Variants in MATN2 observed in about 807,000 individuals in gnomAD.
MATN2 encodes matrilin-2.
Under a neutral mutation model 103.2 loss-of-function variants are expected in MATN2, and 69 were observed. The observed-to-expected ratio is 0.67, with a 90% CI of 0.55 to 0.82. The LOEUF (loss-of-function observed/expected upper bound fraction) is 0.82. Among genes scored for constraint, MATN2 ranks in the 40% least tolerant of loss-of-function variants. The pLI, the probability that MATN2 is intolerant of heterozygous loss-of-function variation, is 0.00. For missense variants in MATN2, 1,023 were observed against 1,211.5 expected (o/e 0.84, Z 2.31); for synonymous variants, 429 against 450.2 (o/e 0.95, Z 0.60).
chr8:97,883,117 G>A (rs1464783816), intron 1 of MATN2, among the ~76,000 whole-genome samples: 1 of 151,738 alleles, frequency 6.6e-6, no homozygotes, highest in Non-Finnish European at 1.5e-5. Flanking sequence ...TGGCCTGGCC[G>A]ACATAGTGAA....
At chr8:97,901,691 C>T (rs893571855) in intron 2 of MATN2, among the ~76,000 whole-genome samples, 1 of 152,340 alleles carries the variant, frequency 6.6e-6, no homozygotes, top group African/African-American at 2.4e-5. Flanking sequence ...AGGGTCACAT[C>T]TGGCTCACCA....
At chr8:97,891,474 A>G (rs1004873582) in intron 2 of MATN2, among the ~76,000 whole-genome samples, 5 of 152,060 alleles carry the variant, frequency 3.3e-5, no homozygotes, top group Non-Finnish European at 4.4e-5. Context: ...AGTAGCTGAG[A>G]CTACAGGCAC....
intron 3 of MATN2, among the ~76,000 whole-genome samples, chr8:97,937,450 T>C (rs1810410925): frequency 6.6e-6 from 1 of 152,244 alleles, no homozygotes; most frequent in Non-Finnish European, 1.5e-5. Flanking sequence ...TCCAGTGCCT[T>C]TTCCATTACA....
chr8:97,870,417 T>C (rs1205627967), intron 1 of MATN2, among the ~76,000 whole-genome samples: 3 of 149,570 alleles, frequency 2.0e-5, no homozygotes, highest in African/African-American at 4.9e-5. Context: ...ACTCGGGAGG[T>C]TGAGGCAGGA....
In MATN2 at chr8:97,869,179, A is replaced by G. The variant is rs898347295; in HGVS notation, c.-135A>G. On this transcript the variant is annotated 5_prime_UTR_variant, in exon 1 of 19. Coordinates refer to ENST00000254898, the MANE Select transcript of MATN2 (RefSeq NM_002380.5). Reference sequence around the variant, plus strand: ...AGCTGGGGCTCCGTCCTCGCCTCCCACGAGCGATCCCCGAGGAGAGCCGCG... The same window carrying G: ...AGCTGGGGCTCCGTCCTCGCCTCCCGCGAGCGATCCCCGAGGAGAGCCGCG... 2.0e-5 allele frequency: 3 copies of G among 151,998 alleles called. No homozygotes were observed. Among genetic ancestry groups the G allele is most frequent in the Admixed American group, 2.0e-4 (3 of 15,260 alleles). The allele number at this position is 151,998 out of a possible 1,614,324, so 9.4% of individuals were successfully genotyped here.
At chr8:97,880,865 G>A (rs1442646965) in intron 1 of MATN2, among the ~76,000 whole-genome samples, 4 of 152,170 alleles carry the variant, frequency 2.6e-5, no homozygotes, top group Non-Finnish European at 5.9e-5. Context: ...TTACAGGCAT[G>A]AGCCACCATG....
At chr8:97,963,159 A>G (rs1318450407) in intron 5 of MATN2, among the ~76,000 whole-genome samples, 1 of 152,184 alleles carries the variant, frequency 6.6e-6, no homozygotes, top group Non-Finnish European at 1.5e-5. Flanking sequence ...TAAACAAAAA[A>G]CATTTTGTAA....
At chr8:97,928,555 G>A (rs939282690) in intron 2 of MATN2, among the ~76,000 whole-genome samples, 4 of 152,144 alleles carry the variant, frequency 2.6e-5, no homozygotes, top group Admixed American at 2.0e-4. Flanking sequence ...GTGCCTCTTA[G>A]GGTGGCTCAG....
intron 14 of MATN2, among the ~76,000 whole-genome samples, 170 bp from the exon 15 acceptor site, chr8:98,030,292 T>C (rs1397329627): frequency 6.6e-6 from 1 of 152,172 alleles, no homozygotes; most frequent in African/African-American, 2.4e-5. Flanking sequence ...CCCTCCCTTT[T>C]GTTCATAGGA....
intron 10 of MATN2, among the ~76,000 whole-genome samples, chr8:98,010,069 T>G (rs1813105532): frequency 6.6e-6 from 1 of 152,214 alleles, no homozygotes; most frequent in African/African-American, 2.4e-5. Flanking sequence ...TTGCACTCCT[T>G]GATTTGGCAG....
intron 2 of MATN2, among the ~76,000 whole-genome samples, chr8:97,921,868 C>G (rs1809820781): frequency 6.6e-6 from 1 of 152,204 alleles, no homozygotes; most frequent in Non-Finnish European, 1.5e-5. Flanking sequence ...TTCCCAAACC[C>G]CATGCTGTGG....
intron 2 of MATN2, among the ~76,000 whole-genome samples, chr8:97,889,459 C>CCATATATATATA (rs1176259238): frequency 8.1e-6 from 1 of 123,366 alleles, no homozygotes; most frequent in South Asian, 3.1e-4. Context: ...CTCTCTCTGT[C>CCATATATATATA]TATATATATA....
intron 4 of MATN2, among the ~76,000 whole-genome samples, chr8:97,949,375 T>C (rs1810867730): frequency 6.6e-6 from 1 of 152,104 alleles, no homozygotes; most frequent in Non-Finnish European, 1.5e-5. Flanking sequence ...GGTTTCACCA[T>C]GTTGGCCAGG....
At chr8:97,942,747 T>C (rs923565779) in intron 4 of MATN2, among the ~76,000 whole-genome samples, 1 of 152,238 alleles carries the variant, frequency 6.6e-6, no homozygotes, top group African/African-American at 2.4e-5. Context: ...TAATTGTTGT[T>C]ATACCTCATG....
intron 3 of MATN2, among the ~76,000 whole-genome samples, chr8:97,935,673 A>G (rs1351188663): frequency 6.6e-6 from 1 of 152,182 alleles, no homozygotes; most frequent in Non-Finnish European, 1.5e-5. Flanking sequence ...TTTAAAAAAG[A>G]AACAATGTCT....
intron 2 of MATN2, among the ~76,000 whole-genome samples, chr8:97,915,919 T>G (rs1809612154): frequency 6.6e-6 from 1 of 152,124 alleles, no homozygotes; most frequent in Non-Finnish European, 1.5e-5. Flanking sequence ...TACATGTCAT[T>G]TCTCAATTTG....
chr8:97,927,893 A>G (rs1810041628), intron 2 of MATN2, among the ~76,000 whole-genome samples: 1 of 152,234 alleles, frequency 6.6e-6, no homozygotes, highest in South Asian at 2.1e-4. Context: ...AAAGATCTCC[A>G]AAGGAAGAGA....
intron 4 of MATN2, among the ~76,000 whole-genome samples, chr8:97,960,101 C>A (rs563941796): frequency 6.6e-6 from 1 of 152,020 alleles, no homozygotes; most frequent in African/African-American, 2.4e-5. Flanking sequence ...GGATTACAGG[C>A]GCGTGCCACC....
At position 98,036,156 on chromosome 8, in the gene MATN2, T is replaced by A. The variant is rs777642442; in HGVS notation, c.*444T>A. 6.5e-6 allele frequency: 1 copy of A among 153,254 alleles called. No homozygotes were observed. The highest frequency in any genetic ancestry group is 2.4e-5 in the African/African-American group (1 of 41,498). The allele number at this position is 153,254 out of a possible 1,614,324, so 9.5% of individuals were successfully genotyped here. Reference sequence around the variant, plus strand: ...TGTATGCATAAAATCATAGGACATATGTACTTGTGGAACAAGTTGGATTTT... The same window carrying A: ...TGTATGCATAAAATCATAGGACATAAGTACTTGTGGAACAAGTTGGATTTT... On this transcript the variant is annotated 3_prime_UTR_variant, in exon 19 of 19. Coordinates refer to ENST00000254898, the MANE Select transcript of MATN2 (RefSeq NM_002380.5).
Sources: gnomAD v4.1 joint callset for allele counts (sites outside exome capture counted in the v4.1 genomes callset) on GRCh38, gnomAD v4.1.1 for gene constraint, MANE v1.5 for transcripts, NCBI Gene and HGNC (gene_info 2026-07-23, HGNC 2026-07-21) for gene names.